Variants in PDE4D observed in about 807,000 individuals in gnomAD.
The protein encoded by PDE4D is 3',5'-cyclic-AMP phosphodiesterase 4D.
A neutral mutation model predicts 87.4 loss-of-function variants in PDE4D; 24 were observed. The ratio of observed to expected loss-of-function variants is 0.27; its 90% CI spans 0.20 to 0.39. The LOEUF (loss-of-function observed/expected upper bound fraction) is 0.39. Among genes scored for constraint, PDE4D ranks in the 10% least tolerant of loss-of-function variants. The pLI is 1.00. For missense variants in PDE4D, 714 were observed against 1,041.0 expected (o/e 0.69, Z 4.32); for synonymous variants, 384 against 383.2 (o/e 1.00, Z -0.02).
chr5:59,961,174 T>C (rs534976499), intron 3 of PDE4D, among the ~76,000 whole-genome samples: 1 of 151,948 alleles, frequency 6.6e-6, no homozygotes, highest in South Asian at 2.1e-4. Flanking sequence ...TCTTTGCAGA[T>C]GTAATTAAGG....
rs143985292 is a variant in PDE4D, at chr5:59,745,798, G to A, written c.455+147370C>T. ...TGTTTGCACATGTTGCTTGCAGGGC[G>A]CACTCCTAAGACACAGAAGATCGTA... is the stretch of plus-strand genomic sequence containing the variant. On this transcript the variant is annotated intron_variant, in intron 1 of 14. Coordinates refer to ENST00000340635, the MANE Select transcript of PDE4D (RefSeq NM_001104631.2). Among the ~76,000 whole-genome samples the A allele has an allele frequency of 3.3e-3, 508 of 152,222 alleles. 3 individuals carry two copies. The highest frequency in any genetic ancestry group is 0.01 in the Middle Eastern group (3 of 294).
intron 1 of PDE4D, among the ~76,000 whole-genome samples, chr5:60,449,925 G>A (rs1745961630): frequency 6.6e-6 from 1 of 150,872 alleles, no homozygotes; most frequent in African/African-American, 2.4e-5. Context: ...AGTCATATGT[G>A]GGAGTTTGAG....
intron 1 of PDE4D, among the ~76,000 whole-genome samples, chr5:59,792,960 A>G (rs1765987039): frequency 6.6e-6 from 1 of 152,238 alleles, no homozygotes; most frequent in Non-Finnish European, 1.5e-5. Context: ...AATGATCATG[A>G]CATTCACAGA....
At chr5:59,411,735 T>G (rs1187511431) in intron 1 of PDE4D, among the ~76,000 whole-genome samples, 2 of 152,196 alleles carry the variant, frequency 1.3e-5, no homozygotes, top group South Asian at 4.1e-4. Flanking sequence ...ATCTCCATGG[T>G]TACATTCTGA....
chr5:59,899,397 C>G (rs993721776), intron 3 of PDE4D, among the ~76,000 whole-genome samples: 1 of 151,784 alleles, frequency 6.6e-6, no homozygotes, highest in South Asian at 2.1e-4. Context: ...TTCTGGCCCT[C>G]CTCTTCTAAT....
chr5:60,028,202 C>T (rs961942082), intron 2 of PDE4D, among the ~76,000 whole-genome samples: 9 of 152,128 alleles, frequency 5.9e-5, no homozygotes, highest in Non-Finnish European at 5.9e-5. Flanking sequence ...CCTTTGAGCT[C>T]TCTTTGCCTT....
chr5:59,798,544 G>T (rs13168643), intron 1 of PDE4D, among the ~76,000 whole-genome samples: 25,024 of 152,002 alleles, frequency 0.16, 2,408 homozygotes, highest in Middle Eastern at 0.29. Context: ...GTTCCTATAA[G>T]CAATTTTTGA....
chr5:59,553,780 T>C (rs899357966), intron 1 of PDE4D, among the ~76,000 whole-genome samples: 2 of 152,174 alleles, frequency 1.3e-5, no homozygotes, highest in Non-Finnish European at 2.9e-5. Context: ...GGAACGAGTA[T>C]AGTAAACTAT....
At chr5:60,418,680 T>A (rs1254200102) in intron 1 of PDE4D, among the ~76,000 whole-genome samples, 1 of 152,112 alleles carries the variant, frequency 6.6e-6, no homozygotes, top group Non-Finnish European at 1.5e-5. Flanking sequence ...AATAATCACA[T>A]CATAGAGAAT....
chr5:59,393,944 T>G (rs1788763221), intron 1 of PDE4D, among the ~76,000 whole-genome samples: 1 of 152,222 alleles, frequency 6.6e-6, no homozygotes, highest in African/African-American at 2.4e-5. Context: ...GAAAACAAGT[T>G]CATTCTATAA....
At chr5:60,275,570 C>A (rs1474358528) in intron 1 of PDE4D, among the ~76,000 whole-genome samples, 1 of 151,354 alleles carries the variant, frequency 6.6e-6, no homozygotes, top group African/African-American at 2.4e-5. Context: ...TTGAAGGCCA[C>A]AATGTGTTTT....
At chr5:59,064,748 T>A (rs966259268) in intron 5 of PDE4D, among the ~76,000 whole-genome samples, 15 of 152,116 alleles carry the variant, frequency 9.9e-5, no homozygotes, top group Non-Finnish European at 2.1e-4. Flanking sequence ...AATTAATGCA[T>A]CCATCAGTAA....
At chr5:59,781,784 C>CA (rs58613622) in intron 1 of PDE4D, among the ~76,000 whole-genome samples, 1,152 of 39,826 alleles carry the variant, frequency 0.029, 131 homozygotes, top group African/African-American at 0.049. Flanking sequence ...CACTCCATCT[C>CA]AAAAAAAAAA....
At position 59,031,163 on chromosome 5, in the gene PDE4D, T is replaced by C. The variant is rs183919994; in HGVS notation, c.921+7696A>G. ...AAATTAGAACCACCATTATTGAAAA[T>C]AGTATGAAGGTTCCTCAAAAATCTA... On this transcript the variant is annotated intron_variant, in intron 6 of 14. Transcript: ENST00000340635. 2.0e-3 allele frequency among the ~76,000 whole-genome samples: 307 copies of C among 151,910 alleles called. 1 individual carries two copies. Among genetic ancestry groups the C allele is most frequent in the Non-Finnish European group, 3.6e-3 (246 of 67,984 alleles).
rs1015750340 is a variant in PDE4D, at chr5:59,535,077, G to A, written c.456-319109C>T. On this transcript the variant is annotated intron_variant, in intron 1 of 14. Transcript: ENST00000340635. ...CTTAGATTGGTGTGTGTGTGTGTGT[G>A]GGGGGGGGGTCCTCTATCATGTATC... Among the ~76,000 whole-genome samples the A allele has an allele frequency of 2.9e-4, 7 of 24,398 alleles. No individual in the cohort carries two copies. The South Asian group carries it at 0.014, about 49-fold the overall frequency. The allele number at this position is 24,398 out of a possible 152,430, so 16.0% of individuals were successfully genotyped here. A position where few individuals can be genotyped will look rare whatever the true frequency, so the allele number is the denominator to read the frequency against.
chr5:59,855,563 T>C (rs767732127), intron 1 of PDE4D, among the ~76,000 whole-genome samples: 5 of 152,202 alleles, frequency 3.3e-5, no homozygotes, highest in Non-Finnish European at 7.4e-5. Flanking sequence ...GAAATTTTCA[T>C]AGTTCATATT....
intron 1 of PDE4D, among the ~76,000 whole-genome samples, chr5:59,525,532 G>T (rs1166311245): frequency 1.3e-5 from 2 of 151,188 alleles, no homozygotes; most frequent in Non-Finnish European, 2.9e-5. Flanking sequence ...TTGGACTATT[G>T]AGTTAACGCT....
chr5:59,575,430 T>G (rs923008277), intron 1 of PDE4D, among the ~76,000 whole-genome samples: 1 of 152,166 alleles, frequency 6.6e-6, no homozygotes, highest in African/African-American at 2.4e-5. Flanking sequence ...TATATGAAAG[T>G]GAATGAGCTA....
At chr5:59,835,489 T>C (rs1228742044) in intron 1 of PDE4D, among the ~76,000 whole-genome samples, 1 of 152,082 alleles carries the variant, frequency 6.6e-6, no homozygotes, top group Non-Finnish European at 1.5e-5. Flanking sequence ...CACTGGGCTA[T>C]GGCCCAGTCA....
Sources: allele counts gnomAD v4.1 joint callset (sites outside exome capture counted in the v4.1 genomes callset), GRCh38; gene constraint gnomAD v4.1.1; transcripts MANE v1.5; gene names NCBI Gene and HGNC (gene_info 2026-07-23, HGNC 2026-07-21).